The following ADARB2 variants were observed in gnomAD, a reference collection of about 807,000 sequenced individuals.
The protein encoded by ADARB2 is adenosine deaminase RNA specific B2 (inactive).
In ADARB2, 25 loss-of-function variants were observed where a neutral mutation model predicts 62.2. The ratio of observed to expected loss-of-function variants is 0.40; its 90% CI spans 0.29 to 0.56. The LOEUF is 0.56. Among genes scored for constraint, ADARB2 ranks in the 20% least tolerant of loss-of-function variants. The probability of loss-of-function intolerance (pLI) is 0.43; values close to 1 mark genes in which losing one functional copy is unlikely to be tolerated. For synonymous variants in ADARB2, 572 were observed against 500.8 expected (o/e 1.14, Z -1.90); for missense variants, 1,071 against 1,077.4 (o/e 0.99, Z 0.08).
At chr10:1,283,059 C>T (rs903987329) in intron 3 of ADARB2, among the ~76,000 whole-genome samples, 6 of 152,210 alleles carry the variant, frequency 3.9e-5, no homozygotes, top group African/African-American at 1.4e-4. Flanking sequence ...AGAAGGTAGA[C>T]AAACCTGTGT....
At chr10:1,305,597 C>T (rs1371095957) in intron 3 of ADARB2, among the ~76,000 whole-genome samples, 2 of 151,792 alleles carry the variant, frequency 1.3e-5, no homozygotes, top group East Asian at 3.9e-4. Flanking sequence ...GAGACACAAC[C>T]AAAAAAGAGA....
In ADARB2 at chr10:1,330,220, G is replaced by A. The variant is rs113193716; in HGVS notation, c.1077+32808C>T. ...TTGGCAGGCATCTGAGAGGCAGCAG[G>A]TAGAGGATGTGCAGCTGTGAGCCTT... On this transcript the variant is annotated intron_variant, in intron 3 of 9. Transcript: ENST00000381312. 1.6e-4 allele frequency among the ~76,000 whole-genome samples: 25 copies of A among 152,194 alleles called. 1 individual carries two copies. Among genetic ancestry groups the A allele is most frequent in the African/African-American group, 4.8e-4 (20 of 41,526 alleles).
At chr10:1,240,609 C>G (rs998063682) in intron 5 of ADARB2, 1 of 152,420 alleles carries the variant, frequency 6.6e-6, no homozygotes, top group Non-Finnish European at 1.5e-5. Flanking sequence ...GTATCCCAAG[C>G]CTGGGCCCCG....
chr10:1,450,773 G>A (rs1229967437), intron 1 of ADARB2, among the ~76,000 whole-genome samples: 5 of 152,202 alleles, frequency 3.3e-5, no homozygotes, highest in Non-Finnish European at 1.5e-5. Context: ...GGCTTTGGGG[G>A]CTGCAGGAGC....
chr10:1,472,157 T>C (rs2131917529), intron 1 of ADARB2, among the ~76,000 whole-genome samples: 1 of 152,282 alleles, frequency 6.6e-6, no homozygotes, highest in East Asian at 1.9e-4. Context: ...TCTTGCTGCT[T>C]CTTTACAGCA....
intron 1 of ADARB2, among the ~76,000 whole-genome samples, chr10:1,486,336 G>C (rs931003017): frequency 1.3e-5 from 2 of 151,628 alleles, no homozygotes; most frequent in Admixed American, 6.6e-5. Context: ...CTTAATTATT[G>C]CATTATTCTC....
intron 1 of ADARB2, among the ~76,000 whole-genome samples, chr10:1,422,186 T>C (rs927766148): frequency 2.0e-5 from 3 of 152,182 alleles, no homozygotes; most frequent in African/African-American, 7.2e-5. Context: ...TCAAGGTACA[T>C]CAAAGGAAAG....
At chr10:1,410,637 A>G (rs1352196051) in intron 1 of ADARB2, among the ~76,000 whole-genome samples, 12 of 152,130 alleles carry the variant, frequency 7.9e-5, no homozygotes, top group Non-Finnish European at 1.5e-4. Context: ...ATGGTGTAGC[A>G]TCTGCTCCAA....
chr10:1,399,990 C>G (rs1029768939), intron 1 of ADARB2, among the ~76,000 whole-genome samples: 12 of 152,182 alleles, frequency 7.9e-5, no homozygotes, highest in African/African-American at 2.9e-4. Context: ...CCATTTCTGT[C>G]TCTTATTTTG....
intron 8 of ADARB2, chr10:1,186,373 G>A (rs1836759268): frequency 4.6e-6 from 2 of 436,016 alleles, no homozygotes; most frequent in Non-Finnish European, 4.7e-6. Context: ...ACACAACAGT[G>A]AGTCGGCAGG....
intron 1 of ADARB2, among the ~76,000 whole-genome samples, chr10:1,611,215 G>A (rs1035423093): frequency 5.3e-5 from 8 of 152,276 alleles, no homozygotes; most frequent in Non-Finnish European, 1.0e-4. Context: ...CCGTTTTGGA[G>A]GCGCGGAGTG....
At chr10:1,543,698 A>T (rs973836571) in intron 1 of ADARB2, among the ~76,000 whole-genome samples, 2 of 152,094 alleles carry the variant, frequency 1.3e-5, no homozygotes, top group South Asian at 4.1e-4. Flanking sequence ...TAAAAAATAG[A>T]CCCGAACCAT....
At position 1,669,757 on chromosome 10, in the gene ADARB2, CAT is replaced by C. The variant is rs201186260; in HGVS notation, c.100+67292_100+67293del. On this transcript the variant is annotated intron_variant, in intron 1 of 9. Coordinates refer to ENST00000381312, the MANE Select transcript of ADARB2 (RefSeq NM_018702.4). ...ACACAGAGACAAACACAGACACACT[CAT>C]AGAGAAAAACACACAGACACAAACA... Among the ~76,000 whole-genome samples, 1,332 of 151,368 alleles carry C rather than the reference CAT, an allele frequency of 8.8e-3. 17 individuals carry two copies. The highest frequency in any genetic ancestry group is 0.042 in the East Asian group (215 of 5,128).
At chr10:1,540,907 A>ACG (rs1832415042) in intron 1 of ADARB2, among the ~76,000 whole-genome samples, 1 of 63,484 alleles carries the variant, frequency 1.6e-5, no homozygotes, top group Non-Finnish European at 3.2e-5. Flanking sequence ...CCCCACTCAG[A>ACG]TGTAGTTCAG....
intron 1 of ADARB2, among the ~76,000 whole-genome samples, chr10:1,688,201 C>G (rs1046183322): frequency 2.0e-5 from 3 of 152,228 alleles, no homozygotes; most frequent in African/African-American, 7.2e-5. Flanking sequence ...CCAGTGAAGC[C>G]TGTGGGCTCT....
intron 4 of ADARB2, among the ~76,000 whole-genome samples, chr10:1,250,234 A>G (rs1357048170): frequency 6.6e-6 from 1 of 151,892 alleles, no homozygotes; most frequent in Non-Finnish European, 1.5e-5. Context: ...TTGCTTTGCC[A>G]TTGCTATGGC....
chr10:1,592,991 G>A (rs1588315537), intron 1 of ADARB2, among the ~76,000 whole-genome samples: 5 of 103,890 alleles, frequency 4.8e-5, no homozygotes, highest in Middle Eastern at 7.9e-3. Context: ...CTCTGGCATG[G>A]TCCCCTCTGT....
chr10:1,236,331 G>C (rs1180704928), intron 5 of ADARB2, among the ~76,000 whole-genome samples: 34 of 30,592 alleles, frequency 1.1e-3, no homozygotes, highest in Admixed American at 2.6e-3. Flanking sequence ...ACTCCCCTCT[G>C]CCTCCCGGTG....
chr10:1,238,521 G>GCCTCCCGGTGTTCACTCCCCCCTC (rs1830883203), intron 5 of ADARB2, among the ~76,000 whole-genome samples: 1 of 446 alleles, frequency 2.2e-3, no homozygotes, highest in Non-Finnish European at 5.0e-3. Flanking sequence ...ACTCCCCTCT[G>GCCTCCCGGTGTTCACTCCCCCCTC]CCTCCCGGTG....
Sources: gnomAD v4.1 joint callset for allele counts (sites outside exome capture counted in the v4.1 genomes callset) on GRCh38, gnomAD v4.1.1 for gene constraint, MANE v1.5 for transcripts, NCBI Gene and HGNC (gene_info 2026-07-23, HGNC 2026-07-21) for gene names.